Variants in SPTLC1 observed in about 807,000 individuals in gnomAD.
SPTLC1 encodes the protein serine palmitoyltransferase long chain base subunit 1, also known as serine palmitoyltransferase 1.
A neutral mutation model predicts 68.9 loss-of-function variants in SPTLC1; 55 were observed. The ratio of observed to expected loss-of-function variants is 0.80; its 90% CI spans 0.64 to 1.00. The LOEUF (loss-of-function observed/expected upper bound fraction) is 1.00. SPTLC1 is among the 50% of genes least tolerant of loss of function. The probability of loss-of-function intolerance (pLI) is 0.00; values close to 1 mark genes in which losing one functional copy is unlikely to be tolerated. For missense variants in SPTLC1, 449 were observed against 573.1 expected (o/e 0.78, Z 2.21); for synonymous variants, 197 against 201.6 (o/e 0.98, Z 0.19).
intron 6 of SPTLC1, among the ~76,000 whole-genome samples, chr9:92,064,873 A>G (rs1449323443): frequency 6.6e-6 from 1 of 152,258 alleles, no homozygotes; most frequent in Non-Finnish European, 1.5e-5. Flanking sequence ...CTACTGGATG[A>G]TTCCATTTGT....
intron 5 of SPTLC1, among the ~76,000 whole-genome samples, chr9:92,071,796 G>T (rs1834501974): frequency 6.6e-6 from 1 of 152,184 alleles, no homozygotes; most frequent in Non-Finnish European, 1.5e-5. Flanking sequence ...AAGAAAAACG[G>T]CTAGTACCTG....
chr9:92,065,269 G>A (rs1834241136), intron 6 of SPTLC1, among the ~76,000 whole-genome samples: 2 of 152,176 alleles, frequency 1.3e-5, no homozygotes, highest in Non-Finnish European at 2.9e-5. Flanking sequence ...CCCACTATTG[G>A]CAAAGCATTA....
At chr9:92,068,465 T>G (rs1834368851) in intron 5 of SPTLC1, among the ~76,000 whole-genome samples, 1 of 152,354 alleles carries the variant, frequency 6.6e-6, no homozygotes. Context: ...TGTTAACTTA[T>G]TAATGTCTGT....
chr9:92,077,250 T>G (rs1484467035), intron 5 of SPTLC1, among the ~76,000 whole-genome samples: 1 of 152,082 alleles, frequency 6.6e-6, no homozygotes. Flanking sequence ...CCCCTCTTGG[T>G]GATTATCTTC....
chr9:92,045,930 A>C lies in SPTLC1; in HGVS notation c.1136+69T>G, dbSNP rs1587913051. On this transcript the variant is annotated intron_variant, in intron 12 of 14. Coordinates refer to ENST00000262554, the MANE Select transcript of SPTLC1 (RefSeq NM_006415.4). Reference sequence around the variant, plus strand: ...AAACTGACCCAAGCCTAGAAATTTAAAACTTTCCATTAGTTGTTAAGTGTG... The same window carrying C: ...AAACTGACCCAAGCCTAGAAATTTACAACTTTCCATTAGTTGTTAAGTGTG... The C allele has an allele frequency of 1.2e-5, 17 of 1,458,758 alleles. No homozygotes were observed. In the East Asian group the frequency reaches 3.9e-4, roughly 34 times the overall value. 90.4% of individuals were successfully genotyped at this position (1,458,758 alleles called of 1,614,324 possible).
At chr9:92,068,403 C>G (rs1005445991) in intron 5 of SPTLC1, among the ~76,000 whole-genome samples, 2 of 152,210 alleles carry the variant, frequency 1.3e-5, no homozygotes, top group Non-Finnish European at 2.9e-5. Context: ...TACCAAGTTT[C>G]CCTGCATTAA....
chr9:92,069,263 C>T (rs773394454), intron 5 of SPTLC1, among the ~76,000 whole-genome samples: 90 of 152,206 alleles, frequency 5.9e-4, no homozygotes, highest in Admixed American at 3.1e-3. Context: ...CGTTACAAAA[C>T]TGTTAAAATG....
chr9:92,074,908 C>A (rs144493264), intron 5 of SPTLC1, among the ~76,000 whole-genome samples: 1 of 152,058 alleles, frequency 6.6e-6, no homozygotes, highest in Admixed American at 6.6e-5. Context: ...CTTCCCAGCC[C>A]CTTTTTGCCT....
intron 3 of SPTLC1, among the ~76,000 whole-genome samples, chr9:92,083,297 A>G (rs1371398876): frequency 1.3e-5 from 2 of 152,142 alleles, no homozygotes; most frequent in African/African-American, 4.8e-5. Flanking sequence ...TTGGTGTTTT[A>G]GACATGAAGT....
chr9:92,060,120 T>C (rs1313820290), intron 6 of SPTLC1, among the ~76,000 whole-genome samples: 1 of 152,118 alleles, frequency 6.6e-6, no homozygotes, highest in Non-Finnish European at 1.5e-5. Context: ...ACGATGTCAA[T>C]GGAGGCCGAG....
rs965860533 is a variant in SPTLC1 at position 92,032,240 on chromosome 9, C to G, written c.*225G>C. ...TCAGTTATACACTGTCATTAGTTTTCCTCTTAAAAAAATCAGTTCCTGGGC... is the reference window on the plus strand; with the variant it reads ...TCAGTTATACACTGTCATTAGTTTTGCTCTTAAAAAAATCAGTTCCTGGGC... On this transcript the variant is annotated 3_prime_UTR_variant, in exon 15 of 15. Transcript: ENST00000262554. 4 of 1,495,676 alleles carry G rather than the reference C, an allele frequency of 2.7e-6. No homozygotes were observed. The highest frequency in any genetic ancestry group is 3.6e-6 in the Non-Finnish European group (4 of 1,122,486). The allele number at this position is 1,495,676 out of a possible 1,614,324, so 92.7% of individuals were successfully genotyped here.
intron 5 of SPTLC1, among the ~76,000 whole-genome samples, chr9:92,074,218 T>C (rs1018860018): frequency 5.3e-5 from 8 of 152,078 alleles, no homozygotes; most frequent in African/African-American, 1.7e-4. Flanking sequence ...CGTTACCTTC[T>C]TTTCAAGGGC....
chr9:92,105,211 C>T, intron 3 of SPTLC1: 10 of 1,534,146 alleles, frequency 6.5e-6, no homozygotes, highest in Non-Finnish European at 8.7e-6. Flanking sequence ...TGCAACCGAC[C>T]CCTCCCCTGC....
intron 8 of SPTLC1, among the ~76,000 whole-genome samples, chr9:92,053,261 A>G (rs563355940): frequency 4.5e-4 from 69 of 152,360 alleles, no homozygotes; most frequent in African/African-American, 1.4e-3. Context: ...CCTGGAAAAT[A>G]TAAGTGCTGA....
chr9:92,087,848 G>A (rs1835209257), intron 3 of SPTLC1, among the ~76,000 whole-genome samples: 1 of 152,258 alleles, frequency 6.6e-6, no homozygotes, highest in African/African-American at 2.4e-5. Context: ...TGCCCCCAGA[G>A]GTGGAGCCTA....
chr9:92,088,764 C>T (rs553392511), intron 3 of SPTLC1, among the ~76,000 whole-genome samples: 3 of 152,252 alleles, frequency 2.0e-5, no homozygotes, highest in East Asian at 1.9e-4. Context: ...CTTGGAGTAG[C>T]GAAGGAACAA....
intron 6 of SPTLC1, 100 bp from the exon 7 acceptor site, chr9:92,059,408 T>C: frequency 8.2e-7 from 1 of 1,213,606 alleles, no homozygotes; most frequent in Non-Finnish European, 1.2e-6. Flanking sequence ...CACTGATTGT[T>C]AACATGAGCA....
rs1587929348 is a variant in SPTLC1 at position 92,059,237 on chromosome 9, T to C, written c.632A>G (p.His211Arg). The C allele has an allele frequency of 5.0e-6, 8 of 1,614,050 alleles. No individual in the cohort carries two copies. The highest frequency in any genetic ancestry group is 6.8e-6 in the Non-Finnish European group (8 of 1,179,936). ...ASRSDIKLFKHNDMADLERLL... is the reference protein window; with the variant it reads ...ASRSDIKLFKRNDMADLERLL... ...TCGCTCGAGGTCAGCCATGTCATTA[T>C]GCTTAAATAACTTAATGTCACTACG... The change falls in exon 7 of 15, where the codon CAT becomes CGT. Residue 211 changes from histidine to arginine, a missense_variant. His to Arg is a conservative substitution (Grantham distance 29, BLOSUM62 0). This residue lies in a region of SPTLC1 where 391 missense variants were observed against 472.1 expected (regional missense o/e 0.83). Coordinates refer to ENST00000262554, the MANE Select transcript of SPTLC1 (RefSeq NM_006415.4).
intron 3 of SPTLC1, chr9:92,105,085 G>T (rs200490386): frequency 2.6e-6 from 4 of 1,532,430 alleles, no homozygotes; most frequent in African/African-American, 1.4e-5. Context: ...TGCTGATGGT[G>T]GGGGAGGACA....
Sources: gnomAD v4.1 joint callset for allele counts (sites outside exome capture counted in the v4.1 genomes callset) on GRCh38, gnomAD v4.1.1 for gene constraint, gnomAD v4.1.1 regional missense constraint, MANE v1.5 for transcripts, NCBI Gene and HGNC (gene_info 2026-07-23, HGNC 2026-07-21) for gene names.